The following RASGRF2 variants were observed in gnomAD, a reference collection of about 807,000 sequenced individuals.
RASGRF2 encodes ras-specific guanine nucleotide-releasing factor 2.
In RASGRF2, 76 loss-of-function variants were observed where a neutral mutation model predicts 151.0. The ratio of observed to expected loss-of-function variants is 0.50; its 90% confidence interval spans 0.42 to 0.61. The LOEUF (loss-of-function observed/expected upper bound fraction) is 0.61, where lower values mean the gene tolerates loss of function less well. Ranked by LOEUF, RASGRF2 falls within the 20% of genes least tolerant of loss-of-function variation. The probability of loss-of-function intolerance (pLI) is 0.00; values close to 1 mark genes in which losing one functional copy is unlikely to be tolerated. For synonymous variants in RASGRF2, 504 were observed against 566.5 expected (o/e 0.89, Z 1.57); for missense variants, 1,148 against 1,564.6 (o/e 0.73, Z 4.49).
chr5:81,198,340 C>T (rs969255588), intron 18 of RASGRF2, among the ~76,000 whole-genome samples: 4 of 152,154 alleles, frequency 2.6e-5, no homozygotes, highest in African/African-American at 9.7e-5. Context: ...AGATTTAGCT[C>T]CCACTTATAA....
At chr5:80,970,894 C>T (rs1197972270) in intron 1 of RASGRF2, among the ~76,000 whole-genome samples, 2 of 152,196 alleles carry the variant, frequency 1.3e-5, no homozygotes, top group Non-Finnish European at 2.9e-5. Flanking sequence ...ACATTCTCTT[C>T]CTTCAGTAGC....
chr5:81,151,701 T>C (rs1013920005), intron 17 of RASGRF2, among the ~76,000 whole-genome samples: 15 of 152,200 alleles, frequency 9.9e-5, no homozygotes, highest in African/African-American at 3.1e-4. Context: ...CCTCTGACAC[T>C]GCTCCAGCCT....
At chr5:81,172,588 C>G (rs1158647664) in intron 17 of RASGRF2, among the ~76,000 whole-genome samples, 1 of 152,080 alleles carries the variant, frequency 6.6e-6, no homozygotes, top group African/African-American at 2.4e-5. Context: ...AACAGACAAG[C>G]AAATCCACTC....
intron 17 of RASGRF2, 136 bp from the exon 18 acceptor site, chr5:81,180,039 G>A (rs1754876671): frequency 1.6e-6 from 1 of 607,274 alleles, no homozygotes; most frequent in Non-Finnish European, 3.0e-6. Context: ...ACAATAGTCT[G>A]AAGCCACGCG....
intron 1 of RASGRF2, among the ~76,000 whole-genome samples, chr5:81,025,926 TAAAC>T (rs1431985141): frequency 6.6e-6 from 1 of 152,032 alleles, no homozygotes; most frequent in Non-Finnish European, 1.5e-5. Context: ...TTTGCACGAT[TAAAC>T]AAACTCCCTC....
chr5:81,085,091 G>A (rs920894127), intron 7 of RASGRF2, among the ~76,000 whole-genome samples: 1 of 152,156 alleles, frequency 6.6e-6, no homozygotes, highest in Admixed American at 6.5e-5. Flanking sequence ...TCTAACCCCC[G>A]AGTGGGTAAT....
chr5:80,996,849 C>T (rs1262190967), intron 1 of RASGRF2, among the ~76,000 whole-genome samples: 1 of 151,772 alleles, frequency 6.6e-6, no homozygotes, highest in Non-Finnish European at 1.5e-5. Context: ...ATCCACCTGC[C>T]TCAGCCTCTC....
chr5:81,118,080 C>G (rs1352063879), intron 15 of RASGRF2, among the ~76,000 whole-genome samples: 1 of 152,238 alleles, frequency 6.6e-6, no homozygotes, highest in African/African-American at 2.4e-5. Flanking sequence ...CTGCAGCTCT[C>G]TCAGGCTGGT....
At chr5:81,163,788 C>T (rs1446718804) in intron 17 of RASGRF2, among the ~76,000 whole-genome samples, 1 of 152,240 alleles carries the variant, frequency 6.6e-6, no homozygotes, top group East Asian at 1.9e-4. Context: ...CGCTGGGAGG[C>T]ATTTACTCAT....
At chr5:81,192,237 T>A (rs768669620) in intron 18 of RASGRF2, among the ~76,000 whole-genome samples, 1 of 152,220 alleles carries the variant, frequency 6.6e-6, no homozygotes, top group East Asian at 1.9e-4. Flanking sequence ...GTCAGGCATA[T>A]ATTTTCTCTA....
At chr5:81,162,311 T>C (rs1218463565) in intron 17 of RASGRF2, among the ~76,000 whole-genome samples, 1 of 152,056 alleles carries the variant, frequency 6.6e-6, no homozygotes, top group Non-Finnish European at 1.5e-5. Flanking sequence ...GGCTGGTACC[T>C]CTAAATGTGG....
chr5:81,147,037 A>G (rs535254192), intron 17 of RASGRF2, among the ~76,000 whole-genome samples: 1 of 152,320 alleles, frequency 6.6e-6, no homozygotes, highest in Non-Finnish European at 1.5e-5. Context: ...CATCTAGTTG[A>G]AAAGGTTAGA....
intron 17 of RASGRF2, among the ~76,000 whole-genome samples, chr5:81,148,718 A>C (rs1005125182): frequency 1.3e-5 from 2 of 151,792 alleles, no homozygotes; most frequent in African/African-American, 4.8e-5. Flanking sequence ...GATATACCTA[A>C]TGCGAAATGA....
At chr5:81,034,806 G>T (rs1580233108) in intron 1 of RASGRF2, among the ~76,000 whole-genome samples, 1 of 127,666 alleles carries the variant, frequency 7.8e-6, no homozygotes, top group East Asian at 2.2e-4. Flanking sequence ...TTGTGGGGTG[G>T]GAGGGGGGTA....
At chr5:80,995,713 G>C (rs1748832964) in intron 1 of RASGRF2, among the ~76,000 whole-genome samples, 1 of 72,524 alleles carries the variant, frequency 1.4e-5, no homozygotes, top group Admixed American at 2.3e-4. Context: ...TTTTTTTTGA[G>C]ATGGAGTCTC....
chr5:81,195,065 T>G (rs1470551746), intron 18 of RASGRF2, among the ~76,000 whole-genome samples: 2 of 152,236 alleles, frequency 1.3e-5, no homozygotes, highest in African/African-American at 4.8e-5. Flanking sequence ...TTTGATAACT[T>G]CAATAAGTAC....
At chr5:81,109,838 A>G (rs551730143) in intron 13 of RASGRF2, among the ~76,000 whole-genome samples, 3 of 152,310 alleles carry the variant, frequency 2.0e-5, no homozygotes, top group African/African-American at 7.2e-5. Flanking sequence ...CACAGAGGTG[A>G]CACTTAATGA....
intron 2 of RASGRF2, among the ~76,000 whole-genome samples, chr5:81,047,567 T>C (rs1023863857): frequency 6.6e-6 from 1 of 152,182 alleles, no homozygotes; most frequent in Non-Finnish European, 1.5e-5. Flanking sequence ...AGGCAGATCG[T>C]AGGTTTTCCT....
intron 17 of RASGRF2, among the ~76,000 whole-genome samples, chr5:81,166,103 T>C (rs181009542): frequency 3.9e-5 from 6 of 152,270 alleles, no homozygotes; most frequent in African/African-American, 1.4e-4. Context: ...TGCCTGACTT[T>C]ACTAAGAAAC....
Sources: gnomAD v4.1 joint callset for allele counts (sites outside exome capture counted in the v4.1 genomes callset) on GRCh38, gnomAD v4.1.1 for gene constraint, MANE v1.5 for transcripts, NCBI Gene and HGNC (gene_info 2026-07-23, HGNC 2026-07-21) for gene names.